ZNHIT3: variants seen among roughly 807,000 people sequenced by gnomAD.
ZNHIT3 encodes zinc finger HIT domain-containing protein 3.
Under a neutral mutation model 19.9 loss-of-function variants are expected in ZNHIT3, and 27 were observed. That is an observed-to-expected ratio of 1.36 (90% CI 1.00 to 1.87). The LOEUF is 1.87. Among genes scored for constraint, ZNHIT3 ranks in the 40% most tolerant of loss-of-function variants. The pLI is 0.00. For synonymous variants in ZNHIT3, 81 were observed against 65.7 expected (o/e 1.23, Z -1.13); for missense variants, 215 against 185.6 (o/e 1.16, Z -0.92).
At chr17:36,498,840 C>T (rs1470441633), downstream of ZNHIT3, 1 of 592,822 alleles carries the variant, frequency 1.7e-6, no homozygotes, top group Non-Finnish European at 3.0e-6. Flanking sequence ...AAGTGTACAT[C>T]CCAGAGTTTG....
chr17:36,493,305 C>G (rs1887833427), intron 3 of ZNHIT3: 1 of 234,812 alleles, frequency 4.3e-6, no homozygotes, highest in South Asian at 6.9e-5. Flanking sequence ...GCTGGGGGTT[C>G]AGAGCTCACA....
chr17:36,498,319 C>G, downstream of ZNHIT3: 1 of 1,614,000 alleles, frequency 6.2e-7, no homozygotes, highest in Non-Finnish European at 8.5e-7. Flanking sequence ...GCTGTCTGGA[C>G]AGTGTAGCTA....
In ZNHIT3 at chr17:36,495,405, G is replaced by C. The variant is rs780513944; in HGVS notation, c.*1G>C. On this transcript the variant is annotated 3_prime_UTR_variant, in exon 5 of 5. Coordinates refer to ENST00000617429, the MANE Select transcript of ZNHIT3 (RefSeq NM_004773.4). ...GCCATCCCAGAATGAGGAGTCTTAA[G>C]ATGGATTATTGTGCTGCTTGCTCAA... is the stretch of plus-strand genomic sequence containing the variant. The C allele has an allele frequency of 1.2e-5, 19 of 1,598,266 alleles. No homozygotes were observed. Among genetic ancestry groups the C allele is most frequent in the Non-Finnish European group, 1.6e-5 (19 of 1,173,660 alleles).
chr17:36,499,218 G>A (rs937530618), downstream of ZNHIT3: 3 of 1,307,240 alleles, frequency 2.3e-6, no homozygotes, highest in East Asian at 5.0e-5. Flanking sequence ...AGAGCTGTCA[G>A]TGACCTCGCT....
At chr17:36,492,932 G>A (rs112438370) in intron 3 of ZNHIT3, 33 bp downstream of exon 3, 2 of 1,593,734 alleles carry the variant, frequency 1.3e-6, no homozygotes, top group South Asian at 2.2e-5. Context: ...AATCTACAAG[G>A]GACTTCACAT....
At chr17:36,488,277 G>A (rs548985597) in intron 2 of ZNHIT3, among the ~76,000 whole-genome samples, 24 of 151,950 alleles carry the variant, frequency 1.6e-4, no homozygotes, top group Non-Finnish European at 3.1e-4. Context: ...GGGCGCAGTG[G>A]CTCATGCCTG....
chr17:36,495,230 T>C lies in ZNHIT3; in HGVS notation c.294T>C (p.Ser98=), dbSNP rs1174654481. The part of the protein sequence containing the change: ...SLQNLKNLGE[S]ATLRSLLLNP... The stretch of plus-strand genomic sequence containing the variant: ...TTTCTTGTTAATTTTTAGGGGAATC[T>C]GCAACATTAAGAAGCTTATTGCTCA... Residue 98 remains serine (S), a synonymous_variant, in exon 5 of 5, where the codon TCT becomes TCC. Transcript: ENST00000617429. The C allele has an allele frequency of 1.3e-6, 2 of 1,569,190 alleles. No individual in the cohort carries two copies. The highest frequency in any genetic ancestry group is 2.3e-5 in the East Asian group (1 of 43,820).
rs1048188185 is a variant in ZNHIT3 at position 36,495,461 on chromosome 17, T to C, written c.*57T>C. 1 of 1,498,792 alleles carries C rather than the reference T, an allele frequency of 6.7e-7. No individual in the cohort carries two copies. Among genetic ancestry groups the C allele is most frequent in the South Asian group, 1.4e-5 (1 of 71,876 alleles). The allele number at this position is 1,498,792 out of a possible 1,614,324, so 92.8% of individuals were successfully genotyped here. Reference sequence around the variant, plus strand: ...TGCTTGACTCCTGGAACCTGCCTGCTCCCTCTCCCAGACCAGCTAGTTTGG... The same window carrying C: ...TGCTTGACTCCTGGAACCTGCCTGCCCCCTCTCCCAGACCAGCTAGTTTGG... On this transcript the variant is annotated 3_prime_UTR_variant, in exon 5 of 5. Transcript: ENST00000617429.
intron 3 of ZNHIT3, among the ~76,000 whole-genome samples, chr17:36,493,709 A>G (rs2070779468): frequency 6.6e-6 from 1 of 152,238 alleles, no homozygotes; most frequent in Non-Finnish European, 1.5e-5. Context: ...ATTTGTTAAA[A>G]TCACCAATTC....
chr17:36,499,248 T>C (rs2071282506), downstream of ZNHIT3: 5 of 930,468 alleles, frequency 5.4e-6, 1 homozygote, highest in South Asian at 3.1e-5. Flanking sequence ...CCACAGTTGC[T>C]GTCAAAGTTT....
At chr17:36,493,166 G>T in intron 3 of ZNHIT3, 1 of 518,700 alleles carries the variant, frequency 1.9e-6, no homozygotes, top group Non-Finnish European at 3.4e-6. Context: ...TTTGCGGTGG[G>T]CCCTGCTGGC....
downstream of ZNHIT3, among the ~76,000 whole-genome samples, chr17:36,497,301 T>A (rs1173075675): frequency 6.8e-6 from 1 of 147,804 alleles, no homozygotes; most frequent in Non-Finnish European, 1.5e-5. Context: ...AGACTCCGTC[T>A]CAAAAAATTA....
intron 4 of ZNHIT3, 72 bp from the exon 5 acceptor site, chr17:36,495,151 T>G (rs1356235528): frequency 5.4e-6 from 8 of 1,494,324 alleles, no homozygotes; most frequent in South Asian, 1.4e-5. Context: ...TTGAAATAGC[T>G]CTTCACTTTT....
At chr17:36,492,710 A>T (rs1405654428) in intron 2 of ZNHIT3, 103 bp from the exon 3 acceptor site, 1 of 980,374 alleles carries the variant, frequency 1.0e-6, no homozygotes, top group Non-Finnish European at 1.6e-6. Context: ...CACATCCCTT[A>T]CCCCAGACAC....
chr17:36,495,344 T>C lies in ZNHIT3; in HGVS notation c.408T>C (p.Phe136=). ...LMRAYMQEPL[F]VEFADCCLGI... The stretch of plus-strand genomic sequence containing the variant: ...GAGCTTACATGCAAGAGCCTTTGTT[T>C]GTGGAGTTTGCAGACTGCTGTTTAG... The change falls in exon 5 of 5, where the codon TTT becomes TTC. Residue 136 remains phenylalanine, a synonymous_variant. Transcript: ENST00000617429. 6.2e-7 allele frequency: 1 copy of C among 1,613,290 alleles called. No homozygotes were observed. The highest frequency in any genetic ancestry group is 8.5e-7 in the Non-Finnish European group (1 of 1,179,876).
intron 2 of ZNHIT3, among the ~76,000 whole-genome samples, 169 bp downstream of exon 2, chr17:36,487,135 T>C (rs1476050094): frequency 2.0e-5 from 3 of 152,144 alleles, no homozygotes; most frequent in African/African-American, 7.2e-5. Flanking sequence ...GGTGTCTCTG[T>C]GTGTCGGACA....
intron 2 of ZNHIT3, among the ~76,000 whole-genome samples, chr17:36,487,869 C>T (rs1319307545): frequency 2.6e-5 from 4 of 151,694 alleles, no homozygotes; most frequent in African/African-American, 7.3e-5. Flanking sequence ...TTTGGGAGGC[C>T]GAGGCGGGCG....
rs2070760342 is a variant in ZNHIT3 at position 36,492,910 on chromosome 17, T to A, written c.205+11T>A. The stretch of plus-strand genomic sequence containing the variant: ...CTGTGGAAAACAAAGGTGGGTTGGT[T>A]GACTTCAAACAAATCTACAAGGGAC... On this transcript the variant is annotated intron_variant, in intron 3 of 4. Transcript: ENST00000617429. 1 of 1,613,628 alleles carries A rather than the reference T, an allele frequency of 6.2e-7. No individual in the cohort carries two copies. The highest frequency in any genetic ancestry group is 2.2e-5 in the East Asian group (1 of 44,884).
intron 1 of ZNHIT3, 40 bp from the exon 2 acceptor site, chr17:36,486,895 C>T (rs1193921826): frequency 6.9e-6 from 11 of 1,596,838 alleles, no homozygotes; most frequent in African/African-American, 2.7e-5. Flanking sequence ...GGGCCGGGGA[C>T]CCTCGGGGCT....
Sources: gnomAD v4.1 joint callset for allele counts (sites outside exome capture counted in the v4.1 genomes callset) on GRCh38, gnomAD v4.1.1 for gene constraint, MANE v1.5 for transcripts, NCBI Gene and HGNC (gene_info 2026-07-23, HGNC 2026-07-21) for gene names.